Variants in SHC4 observed in about 807,000 individuals in gnomAD.
SHC4 encodes SHC-transforming protein 4.
A neutral mutation model predicts 69.4 loss-of-function variants in SHC4; 41 were observed. The observed-to-expected ratio is 0.59, with a 90% CI of 0.46 to 0.77. The LOEUF is 0.77. Among genes scored for constraint, SHC4 ranks in the 30% least tolerant of loss-of-function variants. The pLI is 0.00. For missense variants in SHC4, 777 were observed against 783.8 expected (o/e 0.99, Z 0.10); for synonymous variants, 318 against 299.3 (o/e 1.06, Z -0.64).
chr15:48,914,719 C>T (rs1321905260), intron 2 of SHC4, among the ~76,000 whole-genome samples: 2 of 152,148 alleles, frequency 1.3e-5, no homozygotes, highest in African/African-American at 4.8e-5. Flanking sequence ...TATAAGTCAT[C>T]TGGTAACTGC....
intron 6 of SHC4, among the ~76,000 whole-genome samples, chr15:48,860,922 T>C (rs9672957): frequency 0.013 from 2,032 of 152,320 alleles, 53 homozygotes; most frequent in African/African-American, 0.046. Flanking sequence ...TCAAAGTCTC[T>C]GAGGAACAGG....
intron 6 of SHC4, among the ~76,000 whole-genome samples, chr15:48,858,702 T>C (rs1183544588): frequency 1.3e-5 from 2 of 152,214 alleles, no homozygotes; most frequent in Admixed American, 6.5e-5. Context: ...ATATAATTGA[T>C]GGAAGTTTCC....
intron 9 of SHC4, among the ~76,000 whole-genome samples, chr15:48,849,986 T>C (rs1300859024): frequency 6.6e-6 from 1 of 152,184 alleles, no homozygotes; most frequent in Admixed American, 6.5e-5. Context: ...GTGGATCACT[T>C]GAGGTCAGGA....
At chr15:48,907,371 C>T (rs939822308) in intron 2 of SHC4, among the ~76,000 whole-genome samples, 1 of 151,890 alleles carries the variant, frequency 6.6e-6, no homozygotes, top group African/African-American at 2.4e-5. Flanking sequence ...TACAGGCATG[C>T]ACCATCATGC....
At chr15:48,920,403 T>G (rs540687778) in intron 2 of SHC4, among the ~76,000 whole-genome samples, 3 of 152,216 alleles carry the variant, frequency 2.0e-5, no homozygotes, top group African/African-American at 7.2e-5. Context: ...TCATTCTTGA[T>G]AAACCCGAAT....
chr15:48,928,086 C>T (rs987064969), intron 1 of SHC4, among the ~76,000 whole-genome samples: 1 of 152,096 alleles, frequency 6.6e-6, no homozygotes, highest in Non-Finnish European at 1.5e-5. Context: ...AGCCGAGGGA[C>T]GGAGGGAGGT....
chr15:48,947,544 T>G (rs1456967995), intron 1 of SHC4, among the ~76,000 whole-genome samples: 2 of 152,224 alleles, frequency 1.3e-5, no homozygotes, highest in Admixed American at 6.5e-5. Flanking sequence ...TCCTTTTTTC[T>G]TGTCCTGACT....
At position 48,873,631 on chromosome 15, in the gene SHC4, C is replaced by T. The variant is rs538107796; in HGVS notation, c.841-1489G>A. Among the ~76,000 whole-genome samples the T allele has an allele frequency of 5.9e-5, 9 of 152,250 alleles. No individual in the cohort carries two copies. In the South Asian group the frequency reaches 1.5e-3, roughly 25 times the overall value. ...TGGTGGGCACCTGTAGTCCCCGCTA[C>T]TCAGGAGTCTGAGGCAGGAGAATGG... On this transcript the variant is annotated intron_variant, in intron 4 of 11. Transcript: ENST00000332408.
chr15:48,936,203 T>C, intron 1 of SHC4, among the ~76,000 whole-genome samples: 1 of 152,208 alleles, frequency 6.6e-6, no homozygotes, highest in South Asian at 2.1e-4. Flanking sequence ...CTCCTCCTTC[T>C]GCTCCAGGTT....
intron 9 of SHC4, among the ~76,000 whole-genome samples, chr15:48,844,121 C>T (rs1899044324): frequency 6.6e-6 from 1 of 152,200 alleles, no homozygotes; most frequent in Non-Finnish European, 1.5e-5. Flanking sequence ...TCTGGCTTCT[C>T]TCTATGCTCA....
chr15:48,888,341 C>A (rs1376718774), intron 3 of SHC4, among the ~76,000 whole-genome samples: 1 of 152,072 alleles, frequency 6.6e-6, no homozygotes, highest in Admixed American at 6.5e-5. Flanking sequence ...GGACATTATG[C>A]TAAGTGAATT....
intron 1 of SHC4, chr15:48,945,856 G>C (rs1197225776): frequency 6.6e-6 from 1 of 152,134 alleles, no homozygotes; most frequent in African/African-American, 2.4e-5. Context: ...GAATTTTACA[G>C]TATGTGAATT....
At chr15:48,904,921 CACACACACACACAGACACA>C (rs1900381041) in intron 2 of SHC4, among the ~76,000 whole-genome samples, 2 of 141,796 alleles carry the variant, frequency 1.4e-5, no homozygotes, top group Admixed American at 1.5e-4. Context: ...CACACGCACA[CACACACACACACAGACACA>C]ACACACACAC....
chr15:48,846,979 T>C (rs1343489552), intron 9 of SHC4, among the ~76,000 whole-genome samples: 4 of 148,160 alleles, frequency 2.7e-5, no homozygotes, highest in Admixed American at 2.0e-4. Flanking sequence ...AAGCGCACAA[T>C]AGAGTACTGA....
intron 4 of SHC4, among the ~76,000 whole-genome samples, chr15:48,882,440 T>C (rs1899962309): frequency 6.6e-6 from 1 of 152,198 alleles, no homozygotes; most frequent in South Asian, 2.1e-4. Context: ...CTATAGTTAC[T>C]GGTAATGAAA....
chr15:48,950,265 A>T (rs1350027369), intron 1 of SHC4, among the ~76,000 whole-genome samples: 3 of 147,224 alleles, frequency 2.0e-5, no homozygotes, highest in African/African-American at 4.9e-5. Flanking sequence ...ATTTTAGATA[A>T]TATATAAAAT....
intron 4 of SHC4, chr15:48,877,568 C>G (rs544631987): frequency 1.0e-6 from 1 of 984,422 alleles, no homozygotes; most frequent in East Asian, 1.1e-4. Context: ...GAATACACAC[C>G]GCATTGCTAA....
intron 4 of SHC4, among the ~76,000 whole-genome samples, chr15:48,882,224 C>T (rs1899959325): frequency 6.6e-6 from 1 of 152,128 alleles, no homozygotes; most frequent in South Asian, 2.1e-4. Context: ...GAGGCCTCTA[C>T]AGTGGCACAT....
rs1177201215 is a variant in SHC4 at position 48,824,226 on chromosome 15, C to T, written c.*1745G>A. 2 of 152,078 alleles carry T rather than the reference C, an allele frequency of 1.3e-5. No homozygotes were observed. Among genetic ancestry groups the T allele is most frequent in the Non-Finnish European group, 2.9e-5 (2 of 67,998 alleles). The allele number at this position is 152,078 out of a possible 1,614,324, so 9.4% of individuals were successfully genotyped here. Reference sequence around the variant, plus strand: ...ACAAATCCATCTAAAAAATTAATGGCAGTAGAAATAAAAATCATAAGCCTT... The same window carrying T: ...ACAAATCCATCTAAAAAATTAATGGTAGTAGAAATAAAAATCATAAGCCTT... On this transcript the variant is annotated 3_prime_UTR_variant, in exon 12 of 12. Coordinates refer to ENST00000332408, the MANE Select transcript of SHC4 (RefSeq NM_203349.4).
Sources: allele counts gnomAD v4.1 joint callset (sites outside exome capture counted in the v4.1 genomes callset), GRCh38; gene constraint gnomAD v4.1.1; transcripts MANE v1.5; gene names NCBI Gene and HGNC (gene_info 2026-07-23, HGNC 2026-07-21).